Variants in CBFA2T3 observed in about 807,000 individuals in gnomAD.
CBFA2T3 encodes the protein CBFA2/RUNX1 partner transcriptional co-repressor 3.
In CBFA2T3, 31 loss-of-function variants were observed where a neutral mutation model predicts 58.6. That is an observed-to-expected ratio of 0.53 (90% CI 0.40 to 0.71). The LOEUF (loss-of-function observed/expected upper bound fraction) is 0.71, where lower values mean the gene tolerates loss of function less well. Among genes scored for constraint, CBFA2T3 ranks in the 30% least tolerant of loss-of-function variants. CBFA2T3 has a pLI of 0.00. For synonymous variants in CBFA2T3, 531 were observed against 421.9 expected, an observed-to-expected ratio of 1.26 and a Z score of -3.17; for missense variants, 1,076 against 963.1, an observed-to-expected ratio of 1.12 and a Z score of -1.55.
Position 88,963,946 on chromosome 16 carries a change from G to A in CBFA2T3, c.151+12711C>T, listed in dbSNP as rs557205676. 2.3e-4 allele frequency among the ~76,000 whole-genome samples: 35 copies of A among 152,286 alleles called. 1 individual carries two copies. The highest frequency in any genetic ancestry group is 7.9e-4 in the African/African-American group (33 of 41,542). On this transcript the variant is annotated intron_variant, in intron 1 of 11. Transcript: ENST00000268679. Reference sequence around the variant, plus strand: ...GGTGACTTAGGGGACTCTGCATCTCGCTTGCAGTGCATCTTGAGAAAGAGA... The same window carrying A: ...GGTGACTTAGGGGACTCTGCATCTCACTTGCAGTGCATCTTGAGAAAGAGA...
chr16:88,949,394 AC>A (rs1307919818), intron 1 of CBFA2T3, among the ~76,000 whole-genome samples: 27 of 152,006 alleles, frequency 1.8e-4, no homozygotes, highest in African/African-American at 6.5e-4. Flanking sequence ...CCCTATCTCC[AC>A]CAAAAATACA....
chr16:88,952,480 T>C (rs1972100282), intron 1 of CBFA2T3, among the ~76,000 whole-genome samples: 1 of 151,908 alleles, frequency 6.6e-6, no homozygotes, highest in African/African-American at 2.4e-5. Context: ...CGCCCTCCAG[T>C]CCTTCTCCCA....
intron 3 of CBFA2T3, among the ~76,000 whole-genome samples, chr16:88,896,343 T>G (rs1402178043): frequency 6.6e-6 from 1 of 152,194 alleles, no homozygotes; most frequent in Non-Finnish European, 1.5e-5. Context: ...TCTGCGCCCC[T>G]GGCTTGAACG....
rs1334494998 is a variant in CBFA2T3, at chr16:88,940,716, GGCCGCGGGGCCTT to G, written c.151+35928_151+35940del. Among the ~76,000 whole-genome samples the G allele has an allele frequency of 2.6e-5, 4 of 152,204 alleles. No individual in the cohort carries two copies. In the East Asian group the frequency reaches 7.7e-4, roughly 29 times the overall value. ...CCCACTCCCGGGTCTCCGTCACGCG[GGCCGCGGGGCCTT>G]TGTTAGGAAAACCGGGCGGCCCCAG... On this transcript the variant is annotated intron_variant, in intron 1 of 11. Coordinates refer to ENST00000268679, the MANE Select transcript of CBFA2T3 (RefSeq NM_005187.6).
In CBFA2T3 at chr16:88,900,123, C is replaced by T. The variant is rs1402138470; in HGVS notation, c.304+1381G>A. Among the ~76,000 whole-genome samples, 4 of 152,008 alleles carry T rather than the reference C, an allele frequency of 2.6e-5. No individual in the cohort carries two copies. The East Asian group carries it at 5.8e-4, about 22-fold the overall frequency. ...CGCCGTCCCCCAGGACCTGCAAAAT[C>T]GTGAGTGCGGCGTCCCGACTCTCTG... On this transcript the variant is annotated intron_variant, in intron 2 of 11. Coordinates refer to ENST00000268679, the MANE Select transcript of CBFA2T3 (RefSeq NM_005187.6).
chr16:88,971,198 C>G (rs1358572491), intron 1 of CBFA2T3, among the ~76,000 whole-genome samples: 1 of 152,152 alleles, frequency 6.6e-6, no homozygotes, highest in African/African-American at 2.4e-5. Flanking sequence ...CAACCTCTGC[C>G]TCCTGGGTTC....
intron 1 of CBFA2T3, among the ~76,000 whole-genome samples, chr16:88,948,979 A>G (rs561656566): frequency 2.4e-4 from 37 of 152,324 alleles, no homozygotes; most frequent in Admixed American, 2.1e-3. Flanking sequence ...GAGAAGCACA[A>G]ACTCCCCAGT....
At chr16:88,959,219 C>T (rs1276024290) in intron 1 of CBFA2T3, among the ~76,000 whole-genome samples, 1 of 152,234 alleles carries the variant, frequency 6.6e-6, no homozygotes, top group Non-Finnish European at 1.5e-5. Flanking sequence ...CCTGCTGTGT[C>T]CTGGTCTCAT....
rs575502339 is a variant in CBFA2T3, at chr16:88,947,770, C to T, written c.151+28887G>A. On this transcript the variant is annotated intron_variant, in intron 1 of 11. Transcript: ENST00000268679. The stretch of plus-strand genomic sequence containing the variant: ...CTCTACAAATAATAAAAAAGTTAGC[C>T]GGGTGTGGTGGTGCGTGCCTGTAGT... Among the ~76,000 whole-genome samples the T allele has an allele frequency of 1.1e-3, 162 of 152,106 alleles. 2 individuals are homozygous for T. In the Middle Eastern group the frequency reaches 0.014, roughly 13 times the overall value.
At position 88,876,196 on chromosome 16, in the gene CBFA2T3, G is replaced by C. The variant is rs1293623877; in HGVS notation, c.*780C>G. On this transcript the variant is annotated 3_prime_UTR_variant, in exon 12 of 12. Coordinates refer to ENST00000268679, the MANE Select transcript of CBFA2T3 (RefSeq NM_005187.6). ...GAGGTGTGTCCGGTATCCTTGGCTG[G>C]CTAGCTAGCAAGGTAGTTCACAAGT... 8.6e-6 allele frequency: 2 copies of C among 231,532 alleles called. No individual in the cohort carries two copies. The highest frequency in any genetic ancestry group is 1.2e-4 in the East Asian group (2 of 16,344). 14.3% of individuals were successfully genotyped at this position (231,532 alleles called of 1,614,324 possible). A position where few individuals can be genotyped will look rare whatever the true frequency, so the allele number is the denominator to read the frequency against.
Position 88,877,418 on chromosome 16 carries a change from A to G in CBFA2T3, c.1663-143T>C, listed in dbSNP as rs562755865. ...TCCAAAGCCCCACAGCCCTCGGGCC[A>G]TGCTCCAGATACAGCCACTCACTGG... is the stretch of plus-strand genomic sequence containing the variant. On this transcript the variant is annotated intron_variant, in intron 11 of 11. Transcript: ENST00000268679. 2.7e-5 allele frequency: 18 copies of G among 678,238 alleles called. No individual in the cohort carries two copies. In the African/African-American group the frequency reaches 2.8e-4, roughly 10 times the overall value. 42.0% of individuals were successfully genotyped at this position (678,238 alleles called of 1,614,324 possible).
intron 1 of CBFA2T3, among the ~76,000 whole-genome samples, chr16:88,926,422 T>C (rs974220531): frequency 2.6e-5 from 4 of 152,206 alleles, no homozygotes; most frequent in Non-Finnish European, 5.9e-5. Flanking sequence ...GTCTCCAAAA[T>C]GTCGGTGTCT....
At chr16:88,915,428 GC>G (rs1202506433) in intron 1 of CBFA2T3, among the ~76,000 whole-genome samples, 4 of 24,256 alleles carry the variant, frequency 1.6e-4, no homozygotes, top group East Asian at 1.1e-3. Flanking sequence ...GTGGACGGGG[GC>G]AGCGTGGAGG....
chr16:88,948,843 A>C (rs1185205702), intron 1 of CBFA2T3, among the ~76,000 whole-genome samples: 3 of 152,214 alleles, frequency 2.0e-5, no homozygotes, highest in Admixed American at 1.3e-4. Flanking sequence ...GTCTTTGTTG[A>C]AGTTCACACG....
intron 5 of CBFA2T3, among the ~76,000 whole-genome samples, chr16:88,887,542 A>G (rs886614030): frequency 6.6e-6 from 1 of 152,100 alleles, no homozygotes; most frequent in African/African-American, 2.4e-5. Flanking sequence ...CGTGTGGGGC[A>G]GGCTCAGGAA....
chr16:88,913,577 G>A (rs1265560736), intron 1 of CBFA2T3, among the ~76,000 whole-genome samples: 1 of 152,180 alleles, frequency 6.6e-6, no homozygotes, highest in East Asian at 1.9e-4. Flanking sequence ...CTTGTCTCTA[G>A]CCGAACCAGG....
chr16:88,922,370 G>C (rs1204576000), intron 1 of CBFA2T3, among the ~76,000 whole-genome samples: 1 of 152,268 alleles, frequency 6.6e-6, no homozygotes, highest in African/African-American at 2.4e-5. Flanking sequence ...GACTGCTGCT[G>C]CCTTAGCAGG....
intron 1 of CBFA2T3, among the ~76,000 whole-genome samples, chr16:88,919,115 T>G (rs146593560): frequency 0.017 from 2,638 of 152,182 alleles, 30 homozygotes; most frequent in East Asian, 0.021. Flanking sequence ...CTCTTCCTTA[T>G]TTGAAGGTGT....
intron 1 of CBFA2T3, among the ~76,000 whole-genome samples, chr16:88,934,341 G>A (rs1295260779): frequency 6.6e-5 from 10 of 152,354 alleles, no homozygotes; most frequent in South Asian, 2.1e-4. Context: ...GCACGTTCCC[G>A]AACACTCTGC....
Sources: gnomAD v4.1 joint callset for allele counts (sites outside exome capture counted in the v4.1 genomes callset) on GRCh38, gnomAD v4.1.1 for gene constraint, MANE v1.5 for transcripts, NCBI Gene and HGNC (gene_info 2026-07-23, HGNC 2026-07-21) for gene names.